The following BTBD16 variants were observed in gnomAD, a reference collection of about 807,000 sequenced individuals.
BTBD16 encodes BTB domain containing 16, also known as BTB/POZ domain-containing protein 16.
Under a neutral mutation model 67.4 loss-of-function variants are expected in BTBD16, and 66 were observed. That is an observed-to-expected ratio of 0.98 (90% CI 0.80 to 1.20). The LOEUF (loss-of-function observed/expected upper bound fraction) is 1.20, where lower values mean the gene tolerates loss of function less well. Ranked by LOEUF, BTBD16 falls within the 50% of genes most tolerant of loss-of-function variation. The probability of loss-of-function intolerance (pLI) is 0.00; values close to 1 mark genes in which losing one functional copy is unlikely to be tolerated. For missense variants in BTBD16, 634 were observed against 616.0 expected, an observed-to-expected ratio of 1.03 and a Z score of -0.31; for synonymous variants, 242 against 236.4, an observed-to-expected ratio of 1.02 and a Z score of -0.22.
rs2096370884 is a variant in BTBD16, at chr10:122,289,975, A to G, written c.452A>G (p.Asn151Ser). 6.2e-7 allele frequency: 1 copy of G among 1,613,386 alleles called. No homozygotes were observed. Among genetic ancestry groups the G allele is most frequent in the Non-Finnish European group, 8.5e-7 (1 of 1,179,434 alleles). ...AGGATCATCATTTCCTTGAAGATCA[A>G]TGACCCACTGGTCACTAAAGTCGGT... is the stretch of plus-strand genomic sequence containing the variant. ...AKRIIISLKI[N>S]DPLVTKVAFA... Residue 151 changes from asparagine to serine, a missense_variant, in exon 6 of 16, where the codon AAT (asparagine) becomes AGT (serine). Coordinates refer to ENST00000260723, the MANE Select transcript of BTBD16 (RefSeq NM_144587.5).
At chr10:122,274,464 C>T (rs937319951) in intron 1 of BTBD16, among the ~76,000 whole-genome samples, 1 of 152,176 alleles carries the variant, frequency 6.6e-6, no homozygotes, top group African/African-American at 2.4e-5. Flanking sequence ...TGAGACCCTC[C>T]TCTCATCACC....
At chr10:122,275,329 A>T (rs189260972) in intron 2 of BTBD16, among the ~76,000 whole-genome samples, 1 of 152,142 alleles carries the variant, frequency 6.6e-6, no homozygotes, top group African/African-American at 2.4e-5. Flanking sequence ...TGACAGCCGG[A>T]CTACATCTAG....
intron 13 of BTBD16, chr10:122,332,992 C>T (rs1302494024): frequency 6.1e-6 from 6 of 984,250 alleles, no homozygotes; most frequent in Non-Finnish European, 7.2e-6. Context: ...AGCTTGATTG[C>T]AAGGCATCTT....
intron 3 of BTBD16, among the ~76,000 whole-genome samples, chr10:122,277,595 G>A (rs1263313268): frequency 6.6e-6 from 1 of 152,102 alleles, no homozygotes; most frequent in African/African-American, 2.4e-5. Context: ...ATGGTGGAAG[G>A]CAAAGAGGAG....
intron 10 of BTBD16, among the ~76,000 whole-genome samples, chr10:122,314,162 A>G (rs550667930): frequency 1.3e-5 from 2 of 152,114 alleles, no homozygotes; most frequent in Non-Finnish European, 2.9e-5. Context: ...GGGAAAATTG[A>G]CCTCTTTAGA....
At chr10:122,296,383 C>T (rs559479963) in intron 7 of BTBD16, among the ~76,000 whole-genome samples, 2 of 152,134 alleles carry the variant, frequency 1.3e-5, no homozygotes, top group Non-Finnish European at 2.9e-5. Context: ...TCTGGTCTGG[C>T]CTTATGGAAG....
chr10:122,303,099 T>C (rs750150721), intron 9 of BTBD16, among the ~76,000 whole-genome samples: 3 of 152,200 alleles, frequency 2.0e-5, no homozygotes, highest in South Asian at 2.1e-4. Context: ...CAAAACACAA[T>C]TGTACTCATC....
At chr10:122,316,025 G>A (rs11815514) in intron 10 of BTBD16, among the ~76,000 whole-genome samples, 5,511 of 152,246 alleles carry the variant, frequency 0.036, 338 homozygotes, top group African/African-American at 0.13. Flanking sequence ...CCAGCACCTT[G>A]GGAAGCCGAG....
chr10:122,294,043 C>G (rs1198514924), intron 7 of BTBD16: 1 of 804,172 alleles, frequency 1.2e-6, no homozygotes, highest in Non-Finnish European at 1.5e-6. Context: ...ACCTTTCATT[C>G]CACTGATGAG....
At chr10:122,278,545 G>A (rs1386467173) in intron 3 of BTBD16, among the ~76,000 whole-genome samples, 2 of 152,222 alleles carry the variant, frequency 1.3e-5, no homozygotes, top group Non-Finnish European at 2.9e-5. Flanking sequence ...CAGCATTTTA[G>A]TAATTAATCC....
At position 122,329,394 on chromosome 10, in the gene BTBD16, T is replaced by C. The variant is rs560114390; in HGVS notation, c.912-86T>C. 27 of 1,338,970 alleles carry C rather than the reference T, an allele frequency of 2.0e-5. No homozygotes were observed. The South Asian group carries it at 2.3e-4, about 12-fold the overall frequency. 82.9% of individuals were successfully genotyped at this position (1,338,970 alleles called of 1,614,324 possible). ...CCCCTGGCTAGTGAAGCCACTAGTC[T>C]CTACAACATGGCTTTCCCTAGCCCG... On this transcript the variant is annotated intron_variant, in intron 10 of 15. Coordinates refer to ENST00000260723, the MANE Select transcript of BTBD16 (RefSeq NM_144587.5).
At chr10:122,295,814 C>T (rs2096382107) in intron 7 of BTBD16, among the ~76,000 whole-genome samples, 1 of 152,162 alleles carries the variant, frequency 6.6e-6, no homozygotes, top group Non-Finnish European at 1.5e-5. Context: ...GTCTCCCTGT[C>T]TGAAGGGCCG....
At chr10:122,283,199 G>A (rs1484629610) in intron 3 of BTBD16, among the ~76,000 whole-genome samples, 2 of 152,222 alleles carry the variant, frequency 1.3e-5, no homozygotes, top group Non-Finnish European at 2.9e-5. Context: ...CGGAGGCTGG[G>A]AGACTTTGGC....
intron 5 of BTBD16, among the ~76,000 whole-genome samples, chr10:122,289,545 C>T (rs1443839469): frequency 6.6e-6 from 1 of 152,076 alleles, no homozygotes; most frequent in African/African-American, 2.4e-5. Flanking sequence ...TCGAGACCAG[C>T]CTGGCCAACA....
intron 5 of BTBD16, among the ~76,000 whole-genome samples, chr10:122,287,792 G>A (rs575782765): frequency 6.6e-5 from 10 of 152,154 alleles, no homozygotes; most frequent in East Asian, 1.9e-4. Flanking sequence ...TTCCTTCCAT[G>A]GAGACTGGAG....
chr10:122,302,718 A>G (rs1386606687), intron 9 of BTBD16, among the ~76,000 whole-genome samples: 1 of 152,204 alleles, frequency 6.6e-6, no homozygotes, highest in Non-Finnish European at 1.5e-5. Context: ...CACTAACAAT[A>G]CCCACCAATT....
intron 10 of BTBD16, among the ~76,000 whole-genome samples, chr10:122,327,842 A>G (rs2096447951): frequency 6.6e-6 from 1 of 152,190 alleles, no homozygotes; most frequent in Non-Finnish European, 1.5e-5. Flanking sequence ...GCCAAGGCAC[A>G]TCAGCAGAAC....
intron 3 of BTBD16, among the ~76,000 whole-genome samples, chr10:122,279,285 A>G (rs1345209966): frequency 2.0e-5 from 3 of 151,974 alleles, no homozygotes; most frequent in Admixed American, 1.3e-4. Context: ...TGAGACCAGC[A>G]TGGGGCAACA....
At chr10:122,304,788 C>T (rs1016830162) in intron 9 of BTBD16, among the ~76,000 whole-genome samples, 1 of 152,024 alleles carries the variant, frequency 6.6e-6, no homozygotes, top group African/African-American at 2.4e-5. Context: ...CTCCTGACCT[C>T]GTGATCTGCC....
Sources: allele counts gnomAD v4.1 joint callset (sites outside exome capture counted in the v4.1 genomes callset), GRCh38; gene constraint gnomAD v4.1.1; transcripts MANE v1.5; gene names NCBI Gene and HGNC (gene_info 2026-07-23, HGNC 2026-07-21).